Variants in ZNF469 observed in about 807,000 individuals in gnomAD.
The protein encoded by ZNF469 is zinc finger protein 469.
In ZNF469, 1 loss-of-function variant was observed where a neutral mutation model predicts 1.0. That is an observed-to-expected ratio of 1.00 (90% CI 0.35 to 4.73). The LOEUF is 4.73. ZNF469 is among the 30% of genes most tolerant of loss of function. ZNF469 has a pLI of 0.16. For missense variants in ZNF469, 6,100 were observed against 5,356.3 expected (o/e 1.14, Z -4.33); for synonymous variants, 2,703 against 2,363.4 (o/e 1.14, Z -4.17).
chr16:88,200,525 C>T, the ZNF469 span, among the ~76,000 whole-genome samples: 2 of 152,234 alleles, frequency 1.3e-5, no homozygotes, highest in East Asian at 1.9e-4. Flanking sequence ...GAGCTGTCTT[C>T]CCCGGAGGCC....
the ZNF469 span, among the ~76,000 whole-genome samples, chr16:88,327,458 T>A: frequency 1.3e-5 from 2 of 152,192 alleles, no homozygotes; most frequent in African/African-American, 4.8e-5. Flanking sequence ...TCCCAGGGCG[T>A]AAGCATGGTG....
chr16:88,247,966 C>T, the ZNF469 span, among the ~76,000 whole-genome samples: 1 of 152,152 alleles, frequency 6.6e-6, no homozygotes, highest in Non-Finnish European at 1.5e-5. Context: ...GTTCAGTGGT[C>T]GTCCCAAGCT....
the ZNF469 span, among the ~76,000 whole-genome samples, chr16:88,140,206 T>C: frequency 1.3e-5 from 2 of 151,258 alleles, no homozygotes; most frequent in African/African-American, 2.4e-5. Flanking sequence ...AATATAGTCA[T>C]AAAAAAAAAC....
intron 1 of ZNF469, among the ~76,000 whole-genome samples, chr16:88,400,596 C>G (rs891603629): frequency 1.3e-5 from 2 of 152,182 alleles, no homozygotes; most frequent in Non-Finnish European, 2.9e-5. Context: ...AGTCCCTCCT[C>G]TCAGCTGTGA....
chr16:88,437,178 C>G lies in ZNF469; in HGVS notation c.9708C>G (p.Pro3236=). Residue 3236 remains proline, a synonymous_variant, in exon 3 of 3, where the codon CCC becomes CCG. Transcript: ENST00000565624. The part of the protein sequence containing the change: ...HLLNSITEPA[P]KHHRGKRSAG... ...TGAACAGCATCACGGAACCCGCGCC[C>G]AAACACCACAGGGGCAAGCGCTCCG... The G allele has an allele frequency of 6.5e-7, 1 of 1,549,528 alleles. No homozygotes were observed. The highest frequency in any genetic ancestry group is 1.2e-5 in the South Asian group (1 of 84,056).
At chr16:88,402,184 G>A (rs894438955) in intron 1 of ZNF469, among the ~76,000 whole-genome samples, 2 of 149,784 alleles carry the variant, frequency 1.3e-5, no homozygotes, top group Non-Finnish European at 2.9e-5. Context: ...ATGGGTGGGC[G>A]AATGGATGGA....
At chr16:88,385,567 C>G (rs949194945) in intron 1 of ZNF469, among the ~76,000 whole-genome samples, 4 of 151,142 alleles carry the variant, frequency 2.6e-5, no homozygotes, top group Non-Finnish European at 5.9e-5. Context: ...TGCTTAAACC[C>G]AGGAGTTCAA....
At chr16:88,170,441 C>G in the ZNF469 span, among the ~76,000 whole-genome samples, 80 of 152,252 alleles carry the variant, frequency 5.3e-4, no homozygotes, top group African/African-American at 1.8e-3. This position sits in a 1 kb window ranked among gnomAD's most constrained non-coding sequence, Gnocchi z 4.2. Context: ...CTCCCCATTC[C>G]CTCCCTGTTC....
At chr16:88,193,855 C>A in the ZNF469 span, among the ~76,000 whole-genome samples, 1 of 152,176 alleles carries the variant, frequency 6.6e-6, no homozygotes, top group African/African-American at 2.4e-5. Flanking sequence ...ACTTACTGCG[C>A]CCTCACATGG....
upstream of ZNF469, among the ~76,000 whole-genome samples, chr16:88,378,566 GC>G (rs2092514491): frequency 6.6e-6 from 1 of 152,120 alleles, no homozygotes; most frequent in Non-Finnish European, 1.5e-5. Flanking sequence ...CATAGGGAGC[GC>G]CGAGTCTGCA....
chr16:88,215,185 C>G, the ZNF469 span, among the ~76,000 whole-genome samples: 2 of 152,054 alleles, frequency 1.3e-5, no homozygotes, highest in Admixed American at 6.6e-5. Flanking sequence ...TTGGAGTAGT[C>G]TATTTGCCTT....
At chr16:88,355,074 G>A in the ZNF469 span, among the ~76,000 whole-genome samples, 14 of 152,146 alleles carry the variant, frequency 9.2e-5, no homozygotes, top group South Asian at 4.2e-4. Context: ...CACAGACCTC[G>A]GGCCTGGGGA....
At chr16:88,414,074 T>C (rs897994901) in intron 1 of ZNF469, among the ~76,000 whole-genome samples, 28 of 152,154 alleles carry the variant, frequency 1.8e-4, no homozygotes, top group African/African-American at 6.8e-4. Flanking sequence ...TGGGACTCCC[T>C]GAAGGACAGC....
the ZNF469 span, among the ~76,000 whole-genome samples, chr16:88,261,165 TGGGC>T: frequency 2.0e-5 from 3 of 152,148 alleles, no homozygotes; most frequent in Non-Finnish European, 4.4e-5. This position sits in a 1 kb window ranked among gnomAD's most constrained non-coding sequence, Gnocchi z 6.0. Flanking sequence ...GGGACACAGG[TGGGC>T]CCTTCTGGGG....
At chr16:88,300,930 G>C in the ZNF469 span, among the ~76,000 whole-genome samples, 1 of 151,984 alleles carries the variant, frequency 6.6e-6, no homozygotes, top group Non-Finnish European at 1.5e-5. Context: ...CCAATCGTGG[G>C]GGCAGGTGCC....
At chr16:88,241,513 C>T in the ZNF469 span, among the ~76,000 whole-genome samples, 2 of 152,098 alleles carry the variant, frequency 1.3e-5, no homozygotes, top group Admixed American at 6.5e-5. This position sits in a 1 kb window ranked among gnomAD's most constrained non-coding sequence, Gnocchi z 4.8. Context: ...GTCACCAGGG[C>T]CCAGGCGACA....
At chr16:88,119,364 G>T in the ZNF469 span, among the ~76,000 whole-genome samples, 1 of 152,204 alleles carries the variant, frequency 6.6e-6, no homozygotes, top group Non-Finnish European at 1.5e-5. Context: ...GCCGTCCGCA[G>T]CCTGTGGTGC....
the ZNF469 span, among the ~76,000 whole-genome samples, chr16:88,320,975 G>C: frequency 2.0e-5 from 3 of 152,358 alleles, no homozygotes; most frequent in Admixed American, 2.0e-4. Flanking sequence ...TGAATGGATA[G>C]ATGAACAGGC....
the ZNF469 span, among the ~76,000 whole-genome samples, chr16:88,347,076 C>T: frequency 2.6e-5 from 4 of 152,050 alleles, no homozygotes; most frequent in East Asian, 1.9e-4. Flanking sequence ...GTGAACAGGC[C>T]GTACGGCTGA....
Sources: allele counts gnomAD v4.1 joint callset (sites outside exome capture counted in the v4.1 genomes callset), GRCh38; gene constraint gnomAD v4.1.1; non-coding constraint Gnocchi (gnomAD v3.1); transcripts MANE v1.5; gene names NCBI Gene and HGNC (gene_info 2026-07-23, HGNC 2026-07-21).